Variants in METTL8 observed in about 807,000 individuals in gnomAD.
The protein encoded by METTL8 is tRNA N(3)-cytidine methyltransferase METTL8, mitochondrial.
METTL8 carries 32 observed loss-of-function variants against 48.7 expected under a neutral mutation model. The ratio of observed to expected loss-of-function variants is 0.66; its 90% CI spans 0.50 to 0.88. The LOEUF (loss-of-function observed/expected upper bound fraction) is 0.88. Ranked by LOEUF, METTL8 falls within the 40% of genes least tolerant of loss-of-function variation. The probability of loss-of-function intolerance (pLI) is 0.00; values close to 1 mark genes in which losing one functional copy is unlikely to be tolerated. For synonymous variants in METTL8, 136 were observed against 157.1 expected (o/e 0.87, Z 1.01); for missense variants, 464 against 474.4 (o/e 0.98, Z 0.20).
chr2:171,348,140 T>C (rs1186784280), intron 3 of METTL8, among the ~76,000 whole-genome samples: 1 of 152,162 alleles, frequency 6.6e-6, no homozygotes, highest in East Asian at 1.9e-4. Flanking sequence ...ACCAGAACAA[T>C]AGTTAACTAC....
At chr2:171,346,302 C>T (rs1361062735) in intron 3 of METTL8, among the ~76,000 whole-genome samples, 1 of 152,222 alleles carries the variant, frequency 6.6e-6, no homozygotes, top group East Asian at 1.9e-4. Context: ...GTTGGGATTA[C>T]AGGTGTGAGC....
chr2:171,376,130 T>C (rs1045930911), intron 2 of METTL8, among the ~76,000 whole-genome samples: 10 of 152,240 alleles, frequency 6.6e-5, no homozygotes, highest in African/African-American at 2.4e-4. Context: ...GACTGCAACA[T>C]TGTTGAGTCA....
chr2:171,356,849 C>G (rs1684595571), intron 3 of METTL8, among the ~76,000 whole-genome samples: 1 of 150,802 alleles, frequency 6.6e-6, no homozygotes. Flanking sequence ...TTTAATTTTA[C>G]ATAATACTGG....
chr2:171,351,589 C>A (rs987315502), intron 3 of METTL8, among the ~76,000 whole-genome samples: 2 of 152,182 alleles, frequency 1.3e-5, no homozygotes, highest in Non-Finnish European at 2.9e-5. Context: ...TTCTTCCTAT[C>A]CATGAGCATG....
At chr2:171,347,415 C>T (rs1683392309) in intron 3 of METTL8, among the ~76,000 whole-genome samples, 1 of 152,084 alleles carries the variant, frequency 6.6e-6, no homozygotes, top group Non-Finnish European at 1.5e-5. Context: ...TTAGCTTCAC[C>T]AAGTTCATTG....
intron 3 of METTL8, among the ~76,000 whole-genome samples, chr2:171,347,067 C>G (rs1467333496): frequency 6.6e-6 from 1 of 152,188 alleles, no homozygotes; most frequent in Non-Finnish European, 1.5e-5. Context: ...CTGCAGTGGT[C>G]CCCTGACAGG....
chr2:171,400,090 G>A (rs1054962486), intron 1 of METTL8, among the ~76,000 whole-genome samples: 4 of 151,540 alleles, frequency 2.6e-5, no homozygotes, highest in Non-Finnish European at 4.4e-5. Context: ...CCTATCCTAA[G>A]CACTTATATA....
intron 7 of METTL8, among the ~76,000 whole-genome samples, chr2:171,328,668 G>A (rs774356411): frequency 1.6e-4 from 24 of 151,988 alleles, no homozygotes; most frequent in Admixed American, 2.6e-4. Context: ...GCAGTACCAC[G>A]CCCAGCTAAT....
rs1559147350 is a variant in METTL8, at chr2:171,382,762, A to AAAC, written c.143+9280_143+9281insGTT. Reference sequence around the variant, plus strand: ...GAAAAAAAGAAAAGAAAACTACAAAAAAACAAACAAACAAAAAACACACAT... The same window carrying AAAC: ...GAAAAAAAGAAAAGAAAACTACAAAAAACAAACAAACAAACAAAAAACACACAT... On this transcript the variant is annotated intron_variant, in intron 2 of 9. Coordinates refer to ENST00000375258, the MANE Select transcript of METTL8 (RefSeq NM_001321154.2). Among the ~76,000 whole-genome samples, 4 of 152,098 alleles carry AAAC rather than the reference A, an allele frequency of 2.6e-5. No individual in the cohort carries two copies. In the East Asian group the frequency reaches 7.7e-4, roughly 29 times the overall value.
Position 171,317,414 on chromosome 2 carries a change from T to G in METTL8, c.*6758A>C, listed in dbSNP as rs1684312355. The G allele has an allele frequency of 6.6e-6, 1 of 152,174 alleles. No homozygotes were observed. Among genetic ancestry groups the G allele is most frequent in the African/African-American group, 2.4e-5 (1 of 41,434 alleles). 9.4% of individuals were successfully genotyped at this position (152,174 alleles called of 1,614,324 possible). A position where few individuals can be genotyped will look rare whatever the true frequency, so the allele number is the denominator to read the frequency against. On this transcript the variant is annotated 3_prime_UTR_variant, in exon 10 of 10. Transcript: ENST00000375258. ...ACGATGCTGGAGCTTTAGGAGGCAATCAAAGGCTCATTTTATTTGATAGGT... is the reference window on the plus strand; with the variant it reads ...ACGATGCTGGAGCTTTAGGAGGCAAGCAAAGGCTCATTTTATTTGATAGGT...
chr2:171,383,950 A>C (rs2105538995), intron 2 of METTL8, among the ~76,000 whole-genome samples: 1 of 152,350 alleles, frequency 6.6e-6, no homozygotes, highest in African/African-American at 2.4e-5. Context: ...TTCCAAAGAA[A>C]TGAAAGCAGG....
At chr2:171,352,172 G>C (rs151150911) in intron 3 of METTL8, among the ~76,000 whole-genome samples, 3 of 152,248 alleles carry the variant, frequency 2.0e-5, no homozygotes, top group South Asian at 2.1e-4. Flanking sequence ...TAGCAAGAAG[G>C]GCTGTTGAAT....
At chr2:171,423,281 C>A (rs1469278198) in intron 1 of METTL8, among the ~76,000 whole-genome samples, 1 of 152,046 alleles carries the variant, frequency 6.6e-6, no homozygotes, top group Non-Finnish European at 1.5e-5. Context: ...TGAGAACAGA[C>A]TAATATAGTA....
chr2:171,398,430 T>C (rs919390675), intron 1 of METTL8, among the ~76,000 whole-genome samples: 2 of 152,164 alleles, frequency 1.3e-5, no homozygotes, highest in African/African-American at 4.8e-5. Flanking sequence ...GTATGATTCC[T>C]CTTATATGAG....
chr2:171,336,033 A>C (rs972390029), intron 5 of METTL8, among the ~76,000 whole-genome samples: 3 of 152,118 alleles, frequency 2.0e-5, no homozygotes, highest in African/African-American at 7.2e-5. Context: ...AAAGTAAAAG[A>C]CACAGGTGAA....
At chr2:171,408,288 G>GT (rs1216637352) in intron 1 of METTL8, among the ~76,000 whole-genome samples, 33 of 136,398 alleles carry the variant, frequency 2.4e-4, no homozygotes, top group East Asian at 1.4e-3. Flanking sequence ...GAATTCTACA[G>GT]TTTTTTTGTT....
intron 1 of METTL8, among the ~76,000 whole-genome samples, chr2:171,431,060 C>A (rs1321289642): frequency 2.0e-5 from 3 of 152,184 alleles, no homozygotes; most frequent in Non-Finnish European, 2.9e-5. Flanking sequence ...ACCCTTGCGT[C>A]CCCTCTTGGC....
chr2:171,361,984 GA>G lies in METTL8; in HGVS notation c.144-1472del, dbSNP rs149106153. On this transcript the variant is annotated intron_variant, in intron 2 of 9. Coordinates refer to ENST00000375258, the MANE Select transcript of METTL8 (RefSeq NM_001321154.2). ...GGTAGGTTTGGGTTCAGGTTAGGAG[GA>G]AAAGTGGTGGAGCAAATTCATGTCA... is the stretch of plus-strand genomic sequence containing the variant. 9.5e-3 allele frequency among the ~76,000 whole-genome samples: 1,440 copies of G among 152,286 alleles called. 29 individuals carry two copies. Among genetic ancestry groups the G allele is most frequent in the African/African-American group, 0.033 (1,382 of 41,568 alleles).
chr2:171,362,677 C>T (rs1249976828), intron 2 of METTL8, among the ~76,000 whole-genome samples: 1 of 151,840 alleles, frequency 6.6e-6, no homozygotes, highest in African/African-American at 2.4e-5. Context: ...AAAGTTTAAC[C>T]ACCAGTATTT....
Sources: gnomAD v4.1 joint callset for allele counts (sites outside exome capture counted in the v4.1 genomes callset) on GRCh38, gnomAD v4.1.1 for gene constraint, MANE v1.5 for transcripts, NCBI Gene and HGNC (gene_info 2026-07-23, HGNC 2026-07-21) for gene names.